Variants in FLT1 observed in about 807,000 individuals in gnomAD.
FLT1 encodes vascular endothelial growth factor receptor 1.
Under a neutral mutation model 156.3 loss-of-function variants are expected in FLT1, and 49 were observed. The observed-to-expected ratio is 0.31, with a 90% CI of 0.25 to 0.40. The LOEUF is 0.40. Ranked by LOEUF, FLT1 falls within the 10% of genes least tolerant of loss-of-function variation. The pLI is 1.00. For synonymous variants in FLT1, 594 were observed against 583.8 expected (o/e 1.02, Z -0.25); for missense variants, 1,322 against 1,637.2 (o/e 0.81, Z 3.32).
chr13:28,311,030 C>A (rs1870980479), intron 27 of FLT1, among the ~76,000 whole-genome samples: 1 of 152,142 alleles, frequency 6.6e-6, no homozygotes. Context: ...TAATCATAGC[C>A]CACTGCAGCC....
At chr13:28,347,293 C>T (rs745361731) in intron 15 of FLT1, among the ~76,000 whole-genome samples, 1 of 151,456 alleles carries the variant, frequency 6.6e-6, no homozygotes, top group Non-Finnish European at 1.5e-5. Context: ...GAGGCCGAGA[C>T]GGGCAGATCA....
At chr13:28,466,872 G>T in intron 3 of FLT1, 31 bp downstream of exon 3, 1 of 1,488,392 alleles carries the variant, frequency 6.7e-7, no homozygotes, top group Non-Finnish European at 9.4e-7. Flanking sequence ...CAAAGCAAAA[G>T]CAAACAGAAT....
In FLT1 at chr13:28,355,410, T is replaced by C. The variant is rs555616362; in HGVS notation, c.2248+2144A>G. On this transcript the variant is annotated intron_variant, in intron 15 of 29. Coordinates refer to ENST00000282397, the MANE Select transcript of FLT1 (RefSeq NM_002019.4). Reference sequence around the variant, plus strand: ...GGCATGTGTACAGGATACAAAGATATGTCAGACAGTACTGTCTCAAAGTTT... The same window carrying C: ...GGCATGTGTACAGGATACAAAGATACGTCAGACAGTACTGTCTCAAAGTTT... 5.9e-5 allele frequency among the ~76,000 whole-genome samples: 9 copies of C among 152,332 alleles called. No individual in the cohort carries two copies. The East Asian group carries it at 1.2e-3, about 20-fold the overall frequency.
intron 3 of FLT1, among the ~76,000 whole-genome samples, chr13:28,452,351 A>G (rs1200827992): frequency 6.6e-6 from 1 of 152,180 alleles, no homozygotes; most frequent in Non-Finnish European, 1.5e-5. Flanking sequence ...TCTGTAAAGG[A>G]ATTTCTCTTA....
At chr13:28,332,708 T>G (rs1871978001) in intron 18 of FLT1, among the ~76,000 whole-genome samples, 1 of 152,202 alleles carries the variant, frequency 6.6e-6, no homozygotes, top group Admixed American at 6.5e-5. Context: ...CTATTTAACC[T>G]TTCTTGGCCA....
At chr13:28,385,642 C>T (rs1332058812) in intron 13 of FLT1, 2 of 1,015,792 alleles carry the variant, frequency 2.0e-6, no homozygotes, top group Non-Finnish European at 2.4e-6. Context: ...GGCAGAGGCA[C>T]AGATTTGTAG....
At chr13:28,311,398 C>G (rs759142363) in intron 27 of FLT1, among the ~76,000 whole-genome samples, 192 bp downstream of exon 27, 71 of 152,182 alleles carry the variant, frequency 4.7e-4, no homozygotes, top group Non-Finnish European at 8.8e-5. Context: ...CAAAATAGGG[C>G]AAAATGTTAA....
chr13:28,385,595 C>T, intron 13 of FLT1: 1 of 1,015,104 alleles, frequency 9.9e-7, no homozygotes, highest in East Asian at 6.8e-5. Context: ...TCTCCATTCC[C>T]TTCCCAAATG....
intron 3 of FLT1, among the ~76,000 whole-genome samples, chr13:28,464,391 G>A (rs747720912): frequency 1.3e-5 from 2 of 152,178 alleles, no homozygotes; most frequent in Non-Finnish European, 2.9e-5. Context: ...ACTGCTCCCC[G>A]ACAATCCCAC....
At chr13:28,486,357 A>G (rs1398312045) in intron 1 of FLT1, among the ~76,000 whole-genome samples, 1 of 152,204 alleles carries the variant, frequency 6.6e-6, no homozygotes, top group African/African-American at 2.4e-5. Flanking sequence ...TTAGGAGGCC[A>G]CCCTGCCTCC....
chr13:28,310,861 T>C (rs552380087), intron 27 of FLT1, among the ~76,000 whole-genome samples: 1 of 152,182 alleles, frequency 6.6e-6, no homozygotes, highest in Non-Finnish European at 1.5e-5. Context: ...AAATGTAATC[T>C]GTTATTCTTA....
chr13:28,494,763 C>T lies in FLT1; in HGVS notation c.64+17G>A. 1.3e-6 allele frequency: 2 copies of T among 1,548,174 alleles called. No individual in the cohort carries two copies. The highest frequency in any genetic ancestry group is 2.4e-5 in the South Asian group (2 of 84,548). ...ATCGCAGCCCGCCTCAGGCCCCGGC[C>T]CCCAGCCGCGCCTCACCTGTGAGAA... is the stretch of plus-strand genomic sequence containing the variant. On this transcript the variant is annotated intron_variant, in intron 1 of 29. Transcript: ENST00000282397.
chr13:28,347,204 TA>T (rs922790749), intron 15 of FLT1, among the ~76,000 whole-genome samples: 2 of 152,132 alleles, frequency 1.3e-5, no homozygotes, highest in Non-Finnish European at 2.9e-5. Flanking sequence ...GAGGGCATTA[TA>T]GGCAGAGGAA....
intron 1 of FLT1, 93 bp downstream of exon 1, chr13:28,494,687 C>A: frequency 2.0e-6 from 2 of 980,122 alleles, no homozygotes; most frequent in South Asian, 2.9e-5. Flanking sequence ...AGCCTCGTCT[C>A]CCCGCGTGCA....
chr13:28,359,455 A>T (rs1425845714), intron 14 of FLT1, among the ~76,000 whole-genome samples: 1 of 152,200 alleles, frequency 6.6e-6, no homozygotes, highest in Admixed American at 6.5e-5. Context: ...GTGGGGGAAA[A>T]ACTCCACGAT....
chr13:28,401,870 G>A (rs1265955422), intron 11 of FLT1, among the ~76,000 whole-genome samples: 1 of 152,162 alleles, frequency 6.6e-6, no homozygotes, highest in Non-Finnish European at 1.5e-5. Context: ...TGGAAATATT[G>A]CTAACACATT....
Position 28,439,958 on chromosome 13 carries a change from T to A in FLT1, c.389-1613A>T, listed in dbSNP as rs1319800211. On this transcript the variant is annotated intron_variant, in intron 3 of 29. Coordinates refer to ENST00000282397, the MANE Select transcript of FLT1 (RefSeq NM_002019.4). This position sits in a 1 kb window ranked among gnomAD's most constrained non-coding sequence, Gnocchi z 4.1. The stretch of plus-strand genomic sequence containing the variant: ...GCCTGCTGAAGATGGGATAGTTTTC[T>A]GCACAGCAGTGTGGAATGGAGGCAC... Among the ~76,000 whole-genome samples the A allele has an allele frequency of 6.6e-6, 1 of 152,238 alleles. No individual in the cohort carries two copies. The highest frequency in any genetic ancestry group is 1.5e-5 in the Non-Finnish European group (1 of 68,044).
At chr13:28,482,890 T>C (rs1286674333) in intron 1 of FLT1, among the ~76,000 whole-genome samples, 1 of 152,250 alleles carries the variant, frequency 6.6e-6, no homozygotes. Flanking sequence ...GTATTTTTCA[T>C]TGACCAGTTT....
chr13:28,448,141 T>C (rs1368428739), intron 3 of FLT1, among the ~76,000 whole-genome samples: 1 of 152,204 alleles, frequency 6.6e-6, no homozygotes, highest in African/African-American at 2.4e-5. Flanking sequence ...CAACTGGAAC[T>C]CTCATCCACT....
Sources: gnomAD v4.1 joint callset for allele counts (sites outside exome capture counted in the v4.1 genomes callset) on GRCh38, gnomAD v4.1.1 for gene constraint, Gnocchi (gnomAD v3.1) non-coding constraint, MANE v1.5 for transcripts, NCBI Gene and HGNC (gene_info 2026-07-23, HGNC 2026-07-21) for gene names.